Variants in CCND3 observed in about 807,000 individuals in gnomAD.
CCND3 encodes cyclin D3, also known as G1/S-specific cyclin-D3.
CCND3 carries 9 observed loss-of-function variants against 28.7 expected under a neutral mutation model. That is an observed-to-expected ratio of 0.31 (90% CI 0.19 to 0.55). The LOEUF (loss-of-function observed/expected upper bound fraction) is 0.55, where lower values mean the gene tolerates loss of function less well. Ranked by LOEUF, CCND3 falls within the 20% of genes least tolerant of loss-of-function variation. CCND3 has a pLI of 0.93. For synonymous variants in CCND3, 164 were observed against 163.9 expected (o/e 1.00, Z 0.00); for missense variants, 315 against 385.8 (o/e 0.82, Z 1.54).
intron 1 of CCND3, among the ~76,000 whole-genome samples, chr6:42,047,247 G>A (rs917522745): frequency 6.6e-6 from 1 of 152,194 alleles, no homozygotes; most frequent in Non-Finnish European, 1.5e-5. Context: ...TTAAGTTCCA[G>A]GGGAAGAAAC....
upstream of CCND3, among the ~76,000 whole-genome samples, chr6:41,944,383 A>ATT (rs201736804): frequency 1.4e-5 from 2 of 142,938 alleles, no homozygotes; most frequent in East Asian, 2.0e-4. Flanking sequence ...TTCACGGTGG[A>ATT]TTTTTTTTTT....
intron 1 of CCND3, among the ~76,000 whole-genome samples, chr6:41,966,359 G>A (rs979586863): frequency 6.6e-6 from 1 of 151,936 alleles, no homozygotes; most frequent in Non-Finnish European, 1.5e-5. Flanking sequence ...GGTCGAGGCT[G>A]CAATGAGCCA....
At chr6:41,983,342 A>C (rs926725961) in intron 1 of CCND3, among the ~76,000 whole-genome samples, 1 of 151,652 alleles carries the variant, frequency 6.6e-6, no homozygotes, top group East Asian at 1.9e-4. Context: ...ATTGCACTCC[A>C]ACCTGGGCAA....
intron 1 of CCND3, among the ~76,000 whole-genome samples, chr6:42,024,610 C>T (rs1481431022): frequency 6.6e-6 from 1 of 152,026 alleles, no homozygotes; most frequent in Non-Finnish European, 1.5e-5. Context: ...CATTGCGAGG[C>T]TGGGGCCACT....
At chr6:41,940,651 AGC>A in intron 1 of CCND3, 66 bp from the exon 2 acceptor site, 1 of 1,133,266 alleles carries the variant, frequency 8.8e-7, no homozygotes, top group Non-Finnish European at 1.3e-6. Context: ...GGGGGGTGGG[AGC>A]GCTGAAGTGA....
chr6:41,958,937 T>C (rs1314740292), intron 1 of CCND3, among the ~76,000 whole-genome samples: 1 of 152,172 alleles, frequency 6.6e-6, no homozygotes, highest in African/African-American at 2.4e-5. Flanking sequence ...TTCAATAGAG[T>C]TACCACCTAA....
Position 42,027,388 on chromosome 6 carries a change from C to A in CCND3, c.-46+21113G>T, listed in dbSNP as rs953385969. 1.3e-5 allele frequency among the ~76,000 whole-genome samples: 2 copies of A among 150,846 alleles called. 1 individual carries two copies. Among genetic ancestry groups the A allele is most frequent in the Non-Finnish European group, 2.9e-5 (2 of 67,912 alleles). ...GCGGGAGGCAGAGCTTGCAGCGAGCCGAGATCGCGCCACTGCACTCCAGCC... is the reference window on the plus strand; with the variant it reads ...GCGGGAGGCAGAGCTTGCAGCGAGCAGAGATCGCGCCACTGCACTCCAGCC... On this transcript the variant is annotated intron_variant, in intron 1 of 4. Transcript: ENST00000372988.
intron 1 of CCND3, among the ~76,000 whole-genome samples, chr6:41,979,703 G>C (rs1232310917): frequency 6.7e-6 from 1 of 150,036 alleles, no homozygotes. Context: ...CTTCAAACCA[G>C]GCATAGGAAA....
chr6:41,940,196 T>C (rs187878268), intron 2 of CCND3, among the ~76,000 whole-genome samples, 174 bp downstream of exon 2: 1 of 152,320 alleles, frequency 6.6e-6, no homozygotes, highest in Admixed American at 6.5e-5. Context: ...GGAGTGATAC[T>C]AACCATCACA....
intron 1 of CCND3, among the ~76,000 whole-genome samples, chr6:42,000,234 C>CTTTTTTTTTTT (rs70987562): frequency 0.022 from 1,117 of 51,028 alleles, 407 homozygotes; most frequent in East Asian, 0.098. Context: ...TGAAAACATA[C>CTTTTTTTTTTT]TTTTTTTTTT....
intron 1 of CCND3, among the ~76,000 whole-genome samples, chr6:42,046,202 T>C (rs1182125194): frequency 6.6e-6 from 1 of 152,032 alleles, no homozygotes; most frequent in East Asian, 1.9e-4. Context: ...TTGTAAGAAA[T>C]TTAAAAGCGT....
At chr6:41,964,466 GTGTGTGTGAGTGTGTGTGAA>G (rs1401109511) in intron 1 of CCND3, among the ~76,000 whole-genome samples, 2 of 33,980 alleles carry the variant, frequency 5.9e-5, no homozygotes, top group African/African-American at 1.5e-4. Flanking sequence ...GTGTGTGAGT[GTGTGTGTGAGTGTGTGTGAA>G]TGTGTGTGTG....
At chr6:41,998,742 C>T (rs570807599) in intron 1 of CCND3, among the ~76,000 whole-genome samples, 1 of 151,592 alleles carries the variant, frequency 6.6e-6, no homozygotes, top group East Asian at 1.9e-4. Flanking sequence ...TGCAATGGTG[C>T]GATCTTGCCT....
chr6:41,973,182 T>A (rs1463192449), intron 1 of CCND3, among the ~76,000 whole-genome samples: 1 of 152,160 alleles, frequency 6.6e-6, no homozygotes, highest in Non-Finnish European at 1.5e-5. Context: ...TAAAACACAG[T>A]CTGTTCTTCC....
chr6:42,035,028 T>C (rs1171662790), intron 1 of CCND3, among the ~76,000 whole-genome samples: 1 of 152,200 alleles, frequency 6.6e-6, no homozygotes, highest in African/African-American at 2.4e-5. Context: ...TAAATGGTAA[T>C]GGCCATCTTT....
At chr6:42,036,399 ATATATTTTTTTTT>A (rs1200619348) in intron 1 of CCND3, among the ~76,000 whole-genome samples, 3 of 43,828 alleles carry the variant, frequency 6.8e-5, no homozygotes, top group Admixed American at 6.6e-4. Flanking sequence ...ATATATATAT[ATATATTTTTTTTT>A]TTTTTTTTTT....
chr6:42,036,201 C>T (rs777280100), intron 1 of CCND3, among the ~76,000 whole-genome samples: 2 of 148,972 alleles, frequency 1.3e-5, no homozygotes, highest in Non-Finnish European at 3.0e-5. Flanking sequence ...CCATGTTGGC[C>T]AGGCTAGTCC....
intron 1 of CCND3, among the ~76,000 whole-genome samples, chr6:42,006,959 C>T (rs1582155797): frequency 2.6e-5 from 4 of 151,616 alleles, no homozygotes; most frequent in Admixed American, 2.6e-4. Context: ...GAACACAATT[C>T]ATAGTATCTC....
intron 1 of CCND3, among the ~76,000 whole-genome samples, chr6:42,016,748 C>A (rs1490371462): frequency 6.6e-6 from 1 of 152,038 alleles, no homozygotes; most frequent in East Asian, 1.9e-4. Context: ...TCATGCCCGG[C>A]TAATTTTTGT....
Sources: allele counts gnomAD v4.1 joint callset (sites outside exome capture counted in the v4.1 genomes callset), GRCh38; gene constraint gnomAD v4.1.1; transcripts MANE v1.5; gene names NCBI Gene and HGNC (gene_info 2026-07-23, HGNC 2026-07-21).